The following NRXN1 variants were observed in gnomAD, a reference collection of about 807,000 sequenced individuals.
NRXN1 encodes neurexin 1.
A neutral mutation model predicts 150.9 loss-of-function variants in NRXN1; 39 were observed. That is an observed-to-expected ratio of 0.26 (90% CI 0.20 to 0.34). The LOEUF (loss-of-function observed/expected upper bound fraction) is 0.34, where lower values mean the gene tolerates loss of function less well. NRXN1 is among the 10% of genes least tolerant of loss of function. The pLI is 1.00. For missense variants in NRXN1, 1,815 were observed against 1,949.9 expected (o/e 0.93, Z 1.30); for synonymous variants, 924 against 757.0 (o/e 1.22, Z -3.62).
intron 5 of NRXN1, among the ~76,000 whole-genome samples, chr2:50,839,439 C>T (rs1672561586): frequency 6.6e-6 from 1 of 152,084 alleles, no homozygotes; most frequent in Non-Finnish European, 1.5e-5. Context: ...ATTATTGTAA[C>T]CTCCCCTAAG....
chr2:50,666,960 T>G (rs139299807), intron 5 of NRXN1, among the ~76,000 whole-genome samples: 1 of 151,716 alleles, frequency 6.6e-6, no homozygotes, highest in Non-Finnish European at 1.5e-5. Context: ...AACACACGCA[T>G]GGCGTGGTGA....
chr2:50,583,888 G>T (rs537559725), intron 8 of NRXN1, among the ~76,000 whole-genome samples: 6 of 152,284 alleles, frequency 3.9e-5, no homozygotes, highest in South Asian at 2.1e-4. Flanking sequence ...CTCTTCCACT[G>T]TATCATGTGC....
At chr2:50,430,149 A>T (rs79166147) in intron 17 of NRXN1, among the ~76,000 whole-genome samples, 1 of 152,162 alleles carries the variant, frequency 6.6e-6, no homozygotes, top group Non-Finnish European at 1.5e-5. Context: ...CTGTCACTCA[A>T]TTGAACTCTA....
intron 5 of NRXN1, among the ~76,000 whole-genome samples, chr2:50,916,437 G>C (rs183650788): frequency 6.6e-6 from 1 of 151,320 alleles, no homozygotes; most frequent in African/African-American, 2.4e-5. Context: ...CACAATTTAG[G>C]AAATAGCCTC....
intron 18 of NRXN1, among the ~76,000 whole-genome samples, chr2:50,221,869 A>G (rs2063918606): frequency 1.3e-5 from 2 of 152,020 alleles, no homozygotes; most frequent in African/African-American, 2.4e-5. Flanking sequence ...AACAGCTAGG[A>G]CATGTATGTT....
intron 8 of NRXN1, among the ~76,000 whole-genome samples, chr2:50,555,926 A>T (rs1668174042): frequency 1.3e-5 from 2 of 152,018 alleles, no homozygotes; most frequent in African/African-American, 4.8e-5. Context: ...CTGAGTTAAA[A>T]CTCTCCAGAG....
chr2:50,905,695 CT>C (rs1044367803), intron 5 of NRXN1, among the ~76,000 whole-genome samples: 5 of 152,154 alleles, frequency 3.3e-5, no homozygotes, highest in East Asian at 1.9e-4. Context: ...TATCCAAGCA[CT>C]TTTTTTCCAG....
At chr2:50,419,225 A>T (rs1432175957) in intron 17 of NRXN1, among the ~76,000 whole-genome samples, 1 of 152,124 alleles carries the variant, frequency 6.6e-6, no homozygotes, top group East Asian at 1.9e-4. Context: ...AATAAATAGT[A>T]TATCTGAAAG....
intron 8 of NRXN1, among the ~76,000 whole-genome samples, chr2:50,583,513 A>G (rs1223410979): frequency 6.6e-6 from 1 of 152,162 alleles, no homozygotes; most frequent in African/African-American, 2.4e-5. Context: ...CAGTTTCCAC[A>G]AGGAATGTTA....
chr2:50,254,810 T>A (rs2067533552), intron 17 of NRXN1, among the ~76,000 whole-genome samples: 1 of 152,148 alleles, frequency 6.6e-6, no homozygotes, highest in Non-Finnish European at 1.5e-5. Flanking sequence ...CACATTTATT[T>A]TTTTTGTAGA....
intron 17 of NRXN1, among the ~76,000 whole-genome samples, chr2:50,373,670 G>GCAAGA (rs1558620263): frequency 1.0e-5 from 1 of 99,380 alleles, no homozygotes; most frequent in Non-Finnish European, 2.0e-5. Flanking sequence ...AAGAAAGAAA[G>GCAAGA]AAAGAAAGAA....
At chr2:50,318,187 A>C (rs540183276) in intron 17 of NRXN1, among the ~76,000 whole-genome samples, 100 of 152,234 alleles carry the variant, frequency 6.6e-4, no homozygotes, top group Non-Finnish European at 1.2e-3. Context: ...GGGGAAACAC[A>C]AATAACCCAG....
Position 50,462,329 on chromosome 2 carries a change from G to T in NRXN1, c.3364+3113C>A, listed in dbSNP as rs190949254. On this transcript the variant is annotated intron_variant, in intron 17 of 22. Transcript: ENST00000401669. ...ATAAACAAAATTCTATAGGAAGCCAGAGGAGAAAAAAAATATTGCCTCTGG... is the reference window on the plus strand; with the variant it reads ...ATAAACAAAATTCTATAGGAAGCCATAGGAGAAAAAAAATATTGCCTCTGG... Among the ~76,000 whole-genome samples, 8 of 151,852 alleles carry T rather than the reference G, an allele frequency of 5.3e-5. No individual in the cohort carries two copies. The East Asian group carries it at 1.6e-3, about 30-fold the overall frequency.
At chr2:50,697,889 C>T (rs944383570) in intron 5 of NRXN1, among the ~76,000 whole-genome samples, 1 of 152,140 alleles carries the variant, frequency 6.6e-6, no homozygotes, top group Non-Finnish European at 1.5e-5. Flanking sequence ...CCAAAGTAGA[C>T]AGCTCTCCAT....
chr2:50,011,543 T>C (rs1685665474), intron 21 of NRXN1, among the ~76,000 whole-genome samples: 2 of 152,132 alleles, frequency 1.3e-5, no homozygotes, highest in Admixed American at 1.3e-4. Flanking sequence ...TTTATAAGCA[T>C]AGATAATACC....
At chr2:50,709,055 A>C (rs1694804556) in intron 5 of NRXN1, among the ~76,000 whole-genome samples, 2 of 152,202 alleles carry the variant, frequency 1.3e-5, no homozygotes, top group South Asian at 2.1e-4. Flanking sequence ...GCCAGCCTTT[A>C]TGGGAGCCTC....
At chr2:50,882,196 A>G (rs533090687) in intron 5 of NRXN1, among the ~76,000 whole-genome samples, 1 of 152,006 alleles carries the variant, frequency 6.6e-6, no homozygotes, top group Non-Finnish European at 1.5e-5. Context: ...CCTAACATTT[A>G]AGTAGATTTT....
At chr2:50,528,064 A>G (rs1353713668) in intron 12 of NRXN1, among the ~76,000 whole-genome samples, 1 of 152,160 alleles carries the variant, frequency 6.6e-6, no homozygotes, top group African/African-American at 2.4e-5. Context: ...GTTTGCATGC[A>G]TGTCACAGAT....
At chr2:50,157,390 T>C (rs1195655694) in intron 18 of NRXN1, among the ~76,000 whole-genome samples, 1 of 152,090 alleles carries the variant, frequency 6.6e-6, no homozygotes, top group Non-Finnish European at 1.5e-5. Flanking sequence ...TAGGCGTTTA[T>C]AATATTTACA....
Sources: allele counts gnomAD v4.1 joint callset (sites outside exome capture counted in the v4.1 genomes callset), GRCh38; gene constraint gnomAD v4.1.1; transcripts MANE v1.5; gene names NCBI Gene and HGNC (gene_info 2026-07-23, HGNC 2026-07-21).